The following TNFSF4 variants were observed in gnomAD, a reference collection of about 807,000 sequenced individuals.
TNFSF4 encodes the protein tumor necrosis factor ligand superfamily member 4.
A neutral mutation model predicts 7.3 loss-of-function variants in TNFSF4; 4 were observed. The ratio of observed to expected loss-of-function variants is 0.55; its 90% CI spans 0.27 to 1.25. The LOEUF (loss-of-function observed/expected upper bound fraction) is 1.25. TNFSF4 is among the 50% of genes most tolerant of loss of function. The pLI is 0.12. For missense variants in TNFSF4, 181 were observed against 208.8 expected (o/e 0.87, Z 0.82); for synonymous variants, 76 against 83.7 (o/e 0.91, Z 0.50).
At chr1:173,186,926 C>T in intron 2 of TNFSF4, 61 bp from the exon 3 acceptor site, 1 of 1,096,452 alleles carries the variant, frequency 9.1e-7, no homozygotes, top group Admixed American at 2.4e-5. Context: ...GGGCAACAAC[C>T]TTCCAATACA....
chr1:173,180,184 A>G (rs1159844063), downstream of TNFSF4, among the ~76,000 whole-genome samples: 1 of 152,154 alleles, frequency 6.6e-6, no homozygotes, highest in African/African-American at 2.4e-5. Flanking sequence ...ATATGTACCA[A>G]TCCCAAAGTG....
chr1:173,200,356 T>C (rs1649890733), intron 1 of TNFSF4, among the ~76,000 whole-genome samples: 1 of 152,154 alleles, frequency 6.6e-6, no homozygotes. Flanking sequence ...AGGTCAGAAG[T>C]AGGAAAAAGC....
At chr1:173,389,839 TA>T in the TNFSF4 span, among the ~76,000 whole-genome samples, 2 of 152,204 alleles carry the variant, frequency 1.3e-5, no homozygotes, top group Non-Finnish European at 2.9e-5. Flanking sequence ...CTAGAAGTTC[TA>T]TTTGATTCTT....
the TNFSF4 span, among the ~76,000 whole-genome samples, chr1:173,400,978 AT>A: frequency 2.9e-3 from 445 of 152,276 alleles, 7 homozygotes; most frequent in African/African-American, 0.01. Context: ...AATTGTCATG[AT>A]TATTTCCTCC....
chr1:173,180,248 G>A (rs115280523), downstream of TNFSF4, among the ~76,000 whole-genome samples: 3,519 of 151,936 alleles, frequency 0.023, 67 homozygotes, highest in Middle Eastern at 0.068. Context: ...CTTTCCAGTC[G>A]TCAGCACTCA....
chr1:173,379,534 G>A, the TNFSF4 span, among the ~76,000 whole-genome samples: 5 of 152,230 alleles, frequency 3.3e-5, no homozygotes, highest in African/African-American at 1.2e-4. Flanking sequence ...GATCCTAAAA[G>A]ATAAGTTTAT....
the TNFSF4 span, among the ~76,000 whole-genome samples, chr1:173,257,034 T>C: frequency 3.9e-5 from 6 of 152,244 alleles, no homozygotes; most frequent in Non-Finnish European, 8.8e-5. Flanking sequence ...TCTCCACTGT[T>C]GAACTCATTG....
At chr1:173,360,300 G>A in the TNFSF4 span, among the ~76,000 whole-genome samples, 46,164 of 152,176 alleles carry the variant, frequency 0.3, 7,201 homozygotes, top group East Asian at 0.35. Flanking sequence ...TGGAATGAGA[G>A]CTGTCAGGAC....
chr1:173,395,400 A>ATATATATG, the TNFSF4 span, among the ~76,000 whole-genome samples: 1 of 115,648 alleles, frequency 8.6e-6, no homozygotes, highest in Non-Finnish European at 1.9e-5. Context: ...ATATATATAT[A>ATATATATG]TATATATATA....
the TNFSF4 span, among the ~76,000 whole-genome samples, chr1:173,353,375 T>A: frequency 6.6e-6 from 1 of 152,234 alleles, no homozygotes; most frequent in Non-Finnish European, 1.5e-5. Context: ...CAATTTATTT[T>A]CTTCTGTCAT....
the TNFSF4 span, among the ~76,000 whole-genome samples, chr1:173,420,810 G>C: frequency 6.6e-6 from 1 of 152,082 alleles, no homozygotes; most frequent in African/African-American, 2.4e-5. Context: ...AATTATTACT[G>C]TGTAAGTCTA....
chr1:173,203,361 C>T (rs1221017393), intron 1 of TNFSF4, among the ~76,000 whole-genome samples: 1 of 152,152 alleles, frequency 6.6e-6, no homozygotes, highest in Non-Finnish European at 1.5e-5. Flanking sequence ...GCCAAGTCAA[C>T]TTCAGATGTT....
chr1:173,266,194 T>C, the TNFSF4 span, among the ~76,000 whole-genome samples: 2 of 152,262 alleles, frequency 1.3e-5, no homozygotes, highest in South Asian at 4.1e-4. Flanking sequence ...AGGATGAGTA[T>C]GTATTTGAAG....
At chr1:173,252,539 C>A in the TNFSF4 span, among the ~76,000 whole-genome samples, 1 of 152,076 alleles carries the variant, frequency 6.6e-6, no homozygotes, top group Non-Finnish European at 1.5e-5. Context: ...ATACTCACTG[C>A]ACTTCTGCCC....
the TNFSF4 span, among the ~76,000 whole-genome samples, chr1:173,413,742 T>C: frequency 6.6e-6 from 1 of 152,318 alleles, no homozygotes; most frequent in South Asian, 2.1e-4. Context: ...TCCTCCATCC[T>C]TCCTGCCAAT....
chr1:173,236,129 T>A, the TNFSF4 span, among the ~76,000 whole-genome samples: 1 of 151,934 alleles, frequency 6.6e-6, no homozygotes. Flanking sequence ...GCCATGAGAG[T>A]CAATAATCTG....
At chr1:173,234,890 A>G in the TNFSF4 span, among the ~76,000 whole-genome samples, 1 of 152,192 alleles carries the variant, frequency 6.6e-6, no homozygotes, top group African/African-American at 2.4e-5. Flanking sequence ...ACATGTGTAC[A>G]TATGTAACAA....
At chr1:173,442,785 G>A in the TNFSF4 span, among the ~76,000 whole-genome samples, 2 of 151,974 alleles carry the variant, frequency 1.3e-5, no homozygotes, top group African/African-American at 4.8e-5. Context: ...TCCTGAACTC[G>A]TGATCTGCTC....
the TNFSF4 span, among the ~76,000 whole-genome samples, chr1:173,387,703 A>G: frequency 6.6e-6 from 1 of 152,166 alleles, no homozygotes; most frequent in Non-Finnish European, 1.5e-5. Context: ...CAGGGCTAAA[A>G]TATCAGGTTT....
Sources: allele counts gnomAD v4.1 joint callset (sites outside exome capture counted in the v4.1 genomes callset), GRCh38; gene constraint gnomAD v4.1.1; transcripts MANE v1.5; gene names NCBI Gene and HGNC (gene_info 2026-07-23, HGNC 2026-07-21).